Variants in LCMT1 observed in about 807,000 individuals in gnomAD.
The protein encoded by LCMT1 is [Phosphatase 2A protein]-leucine-carboxy methyltransferase 1.
LCMT1 carries 32 observed loss-of-function variants against 47.7 expected under a neutral mutation model. That is an observed-to-expected ratio of 0.67 (90% CI 0.51 to 0.90). The LOEUF (loss-of-function observed/expected upper bound fraction) is 0.90. Among genes scored for constraint, LCMT1 ranks in the 40% least tolerant of loss-of-function variants. The pLI is 0.00. For synonymous variants in LCMT1, 152 were observed against 149.7 expected (o/e 1.02, Z -0.11); for missense variants, 375 against 415.2 (o/e 0.90, Z 0.84).
At chr16:25,116,097 G>A (rs1439889019) in intron 1 of LCMT1, among the ~76,000 whole-genome samples, 2 of 152,214 alleles carry the variant, frequency 1.3e-5, no homozygotes, top group South Asian at 2.1e-4. Context: ...TGCAAGGAGG[G>A]AAGACTCACA....
At chr16:25,171,113 A>G (rs1008885098) in intron 9 of LCMT1, among the ~76,000 whole-genome samples, 1 of 151,828 alleles carries the variant, frequency 6.6e-6, no homozygotes, top group Non-Finnish European at 1.5e-5. Flanking sequence ...GTGCACATTT[A>G]TAATGCCAAC....
intron 3 of LCMT1, among the ~76,000 whole-genome samples, chr16:25,139,728 C>T (rs545567846): frequency 5.3e-5 from 8 of 152,028 alleles, no homozygotes; most frequent in South Asian, 4.2e-4. Flanking sequence ...GACAGGGTCT[C>T]GCTGTGTTGC....
At chr16:25,170,897 T>C (rs1411181230) in intron 9 of LCMT1, 92 bp downstream of exon 9, 2 of 832,488 alleles carry the variant, frequency 2.4e-6, no homozygotes, top group Non-Finnish European at 3.8e-6. Flanking sequence ...AACAGAACAA[T>C]ATGTGGAGAT....
chr16:25,140,178 ATCT>A lies in LCMT1; in HGVS notation c.339_341del (p.Leu114del), dbSNP rs1369778253. On this transcript the variant is annotated inframe_deletion, in exon 4 of 11. Coordinates refer to ENST00000399069, the MANE Select transcript of LCMT1 (RefSeq NM_016309.3). ...TTGTGTGTTTTTCCCCAGGATGAAG[ATCT>A]TCTCCCAAGTAAATATTTTGAGGTT... is the stretch of plus-strand genomic sequence containing the variant. 7 of 1,606,790 alleles carry A rather than the reference ATCT, an allele frequency of 4.4e-6. No individual in the cohort carries two copies. Among genetic ancestry groups the A allele is most frequent in the Non-Finnish European group, 6.0e-6 (7 of 1,175,768 alleles).
chr16:25,114,424 A>C (rs1036819914), intron 1 of LCMT1, among the ~76,000 whole-genome samples: 1 of 152,178 alleles, frequency 6.6e-6, no homozygotes, highest in African/African-American at 2.4e-5. Flanking sequence ...TTGTGGTATC[A>C]GAAGTTTTCT....
chr16:25,126,170 C>G, intron 1 of LCMT1: 2 of 1,343,386 alleles, frequency 1.5e-6, no homozygotes, highest in Non-Finnish European at 9.8e-7. Flanking sequence ...GTGGGAGTTG[C>G]TGGCTGGGTG....
chr16:25,160,845 A>G (rs1961406040), intron 5 of LCMT1: 1 of 610,376 alleles, frequency 1.6e-6, no homozygotes, highest in Non-Finnish European at 3.1e-6. Flanking sequence ...TGTGCGCACC[A>G]TGTGCATGAG....
intron 1 of LCMT1, 113 bp from the exon 2 acceptor site, chr16:25,128,361 TG>T: frequency 1.5e-6 from 1 of 680,710 alleles, no homozygotes; most frequent in Non-Finnish European, 2.5e-6. Flanking sequence ...CCTTTTGAGG[TG>T]GATGGTTGGT....
Position 25,130,060 on chromosome 16 carries a change from G to A in LCMT1, c.205+1494G>A, listed in dbSNP as rs547592000. ...TTGGCCCTTAAGATTCTTCAACAGG[G>A]CTGGACGTGATGGCTCACACCTGTA... On this transcript the variant is annotated intron_variant, in intron 2 of 10. Coordinates refer to ENST00000399069, the MANE Select transcript of LCMT1 (RefSeq NM_016309.3). Among the ~76,000 whole-genome samples the A allele has an allele frequency of 3.6e-4, 55 of 152,308 alleles. No individual in the cohort carries two copies. In the South Asian group the frequency reaches 0.011, roughly 29 times the overall value.
chr16:25,132,562 G>A, intron 3 of LCMT1, 39 bp downstream of exon 3: 2 of 1,597,426 alleles, frequency 1.3e-6, no homozygotes, highest in Non-Finnish European at 8.5e-7. Flanking sequence ...CAAGTGTTTA[G>A]ATTTTTTTCG....
chr16:25,148,598 CAGAA>C (rs1382057019), intron 4 of LCMT1: 7 of 152,474 alleles, frequency 4.6e-5, no homozygotes, highest in African/African-American at 1.7e-4. Context: ...GGAAGGAAAG[CAGAA>C]AGGAAGAAGG....
intron 5 of LCMT1, chr16:25,160,707 A>G (rs1216633336): frequency 9.8e-6 from 5 of 510,914 alleles, no homozygotes; most frequent in South Asian, 5.7e-5. Context: ...TTATCCAGTC[A>G]ATGGAATGCT....
At chr16:25,113,378 ACT>A (rs1367042163) in intron 1 of LCMT1, among the ~76,000 whole-genome samples, 1 of 152,116 alleles carries the variant, frequency 6.6e-6, no homozygotes, top group Admixed American at 6.6e-5. Flanking sequence ...CTGGAGCTAG[ACT>A]CTGTCAAACT....
rs60900379 is a variant in LCMT1 at position 25,139,691 on chromosome 16, G to C, written c.328-480G>C. Among the ~76,000 whole-genome samples the C allele has an allele frequency of 8.8e-3, 1,337 of 151,906 alleles. 19 individuals are homozygous for C. Among genetic ancestry groups the C allele is most frequent in the African/African-American group, 0.031 (1,274 of 41,394 alleles). ...CTGCCTTTTTTGTTGTTGTTAAATC[G>C]TTTAAACTTTTTAATTTTTTTGCAT... On this transcript the variant is annotated intron_variant, in intron 3 of 10. Coordinates refer to ENST00000399069, the MANE Select transcript of LCMT1 (RefSeq NM_016309.3).
intron 5 of LCMT1, chr16:25,160,729 A>G (rs1158668295): frequency 3.8e-6 from 2 of 520,716 alleles, no homozygotes. Flanking sequence ...TGAAATCATT[A>G]TACAGAAGGA....
chr16:25,163,833 T>A (rs1042403999), intron 6 of LCMT1, among the ~76,000 whole-genome samples: 1 of 152,144 alleles, frequency 6.6e-6, no homozygotes, highest in African/African-American at 2.4e-5. Context: ...TCAACCAGTT[T>A]CTTGTTGGGC....
intron 7 of LCMT1, 34 bp downstream of exon 7, chr16:25,164,752 C>G (rs1314502515): frequency 6.2e-7 from 1 of 1,613,684 alleles, no homozygotes; most frequent in Non-Finnish European, 8.5e-7. Flanking sequence ...GGATTCCATA[C>G]AGGATCGCCG....
intron 5 of LCMT1, among the ~76,000 whole-genome samples, chr16:25,160,189 C>T (rs1053082554): frequency 3.3e-5 from 5 of 152,152 alleles, no homozygotes; most frequent in Admixed American, 1.3e-4. Flanking sequence ...CCTTGTGATC[C>T]ACCCATCTTG....
intron 1 of LCMT1, among the ~76,000 whole-genome samples, chr16:25,125,226 G>C (rs1960126402): frequency 6.6e-6 from 1 of 152,190 alleles, no homozygotes. Context: ...TGTCTGCTGT[G>C]GGCAGCCTTG....
Sources: gnomAD v4.1 joint callset for allele counts (sites outside exome capture counted in the v4.1 genomes callset) on GRCh38, gnomAD v4.1.1 for gene constraint, MANE v1.5 for transcripts, NCBI Gene and HGNC (gene_info 2026-07-23, HGNC 2026-07-21) for gene names.